The following CCSER1 variants were observed in gnomAD, a reference collection of about 807,000 sequenced individuals.
The protein encoded by CCSER1 is coiled-coil serine rich protein 1, also known as serine-rich coiled-coil domain-containing protein 1.
A neutral mutation model predicts 82.0 loss-of-function variants in CCSER1; 41 were observed. The observed-to-expected ratio is 0.50, with a 90% CI of 0.39 to 0.65. CCSER1 has a LOEUF of 0.65. Among genes scored for constraint, CCSER1 ranks in the 30% least tolerant of loss-of-function variants. The pLI, the probability that CCSER1 is intolerant of heterozygous loss-of-function variation, is 0.00. For missense variants in CCSER1, 1,119 were observed against 1,064.2 expected, an observed-to-expected ratio of 1.05 and a Z score of -0.72; for synonymous variants, 414 against 383.9, an observed-to-expected ratio of 1.08 and a Z score of -0.92.
intron 7 of CCSER1, among the ~76,000 whole-genome samples, chr4:90,807,225 A>G (rs1415856248): frequency 6.6e-6 from 1 of 152,108 alleles, no homozygotes; most frequent in Non-Finnish European, 1.5e-5. Flanking sequence ...CCTGCATCCT[A>G]CTATGCTAAT....
chr4:91,271,499 T>A (rs895621540), intron 10 of CCSER1, among the ~76,000 whole-genome samples: 1 of 152,144 alleles, frequency 6.6e-6, no homozygotes, highest in Non-Finnish European at 1.5e-5. Context: ...CTCCCACTTA[T>A]GAGTGAGAAC....
intron 3 of CCSER1, among the ~76,000 whole-genome samples, chr4:90,362,374 CA>C (rs1217321483): frequency 1.3e-5 from 2 of 152,142 alleles, no homozygotes; most frequent in Non-Finnish European, 2.9e-5. Context: ...GTTAAAATTA[CA>C]TCCAGAATTT....
At chr4:91,508,614 C>T (rs1759656704) in intron 10 of CCSER1, among the ~76,000 whole-genome samples, 1 of 150,644 alleles carries the variant, frequency 6.6e-6, no homozygotes, top group South Asian at 2.1e-4. Context: ...AAATATTGAC[C>T]ATATAGAATC....
intron 8 of CCSER1, among the ~76,000 whole-genome samples, chr4:90,897,448 G>C (rs914379907): frequency 2.6e-5 from 4 of 152,056 alleles, no homozygotes; most frequent in African/African-American, 9.7e-5. Flanking sequence ...CTCTATCCAT[G>C]TTGCTGTGAA....
intron 7 of CCSER1, among the ~76,000 whole-genome samples, chr4:90,736,005 G>A (rs1745579903): frequency 6.6e-6 from 1 of 151,978 alleles, no homozygotes; most frequent in African/African-American, 2.4e-5. Context: ...CCATGAATTT[G>A]TACAGTTTCC....
At chr4:90,426,832 G>A (rs1757589538) in intron 4 of CCSER1, among the ~76,000 whole-genome samples, 1 of 152,150 alleles carries the variant, frequency 6.6e-6, no homozygotes, top group African/African-American at 2.4e-5. Flanking sequence ...TTGGGAGCTG[G>A]CAATATGCTT....
intron 5 of CCSER1, among the ~76,000 whole-genome samples, chr4:90,583,916 G>A (rs1310283784): frequency 6.6e-6 from 1 of 151,292 alleles, no homozygotes; most frequent in African/African-American, 2.4e-5. Flanking sequence ...AATTTTAATT[G>A]GAATATATTA....
At chr4:90,354,050 G>A (rs548383576) in intron 3 of CCSER1, among the ~76,000 whole-genome samples, 2 of 152,238 alleles carry the variant, frequency 1.3e-5, no homozygotes, top group East Asian at 3.9e-4. Flanking sequence ...TTCTATATGT[G>A]CACCAATGGA....
chr4:90,732,187 G>C (rs183464975), intron 7 of CCSER1, among the ~76,000 whole-genome samples: 33 of 152,176 alleles, frequency 2.2e-4, no homozygotes, highest in Non-Finnish European at 7.4e-5. Context: ...GCTTCCCCTA[G>C]GGTGAATGTT....
At chr4:91,180,226 A>G (rs1422770901) in intron 10 of CCSER1, among the ~76,000 whole-genome samples, 3 of 152,176 alleles carry the variant, frequency 2.0e-5, no homozygotes, top group South Asian at 2.1e-4. Context: ...TGCTACTGGG[A>G]GTTGTCTCCC....
At chr4:91,004,236 C>T (rs1738305870) in intron 9 of CCSER1, among the ~76,000 whole-genome samples, 1 of 152,114 alleles carries the variant, frequency 6.6e-6, no homozygotes, top group African/African-American at 2.4e-5. Context: ...GTCTTGCCTC[C>T]AGTCCACCGT....
chr4:91,104,979 C>A (rs564868061), intron 10 of CCSER1, among the ~76,000 whole-genome samples: 9 of 152,192 alleles, frequency 5.9e-5, no homozygotes, highest in African/African-American at 2.2e-4. Context: ...GAAGTCAGGG[C>A]TTTTAGGGTA....
intron 4 of CCSER1, among the ~76,000 whole-genome samples, chr4:90,402,689 G>T (rs1236662919): frequency 1.3e-5 from 2 of 152,100 alleles, no homozygotes; most frequent in African/African-American, 4.8e-5. Flanking sequence ...ATTATGTTTG[G>T]TAGTCAACCA....
intron 1 of CCSER1, among the ~76,000 whole-genome samples, chr4:90,186,855 G>T (rs190773994): frequency 6.6e-6 from 1 of 151,686 alleles, no homozygotes; most frequent in African/African-American, 2.4e-5. Flanking sequence ...CCCCCCCATG[G>T]TGTAGTGTAA....
chr4:90,367,336 G>T (rs1330615575), intron 3 of CCSER1, among the ~76,000 whole-genome samples: 1 of 151,878 alleles, frequency 6.6e-6, no homozygotes, highest in Non-Finnish European at 1.5e-5. Flanking sequence ...TTATGATCTT[G>T]TACAATAACT....
Position 90,640,971 on chromosome 4 carries a change from T to C in CCSER1, c.1932+12739T>C, listed in dbSNP as rs114249548. Among the ~76,000 whole-genome samples, 447 of 152,242 alleles carry C rather than the reference T, an allele frequency of 2.9e-3. 2 individuals are homozygous for C. Among genetic ancestry groups the C allele is most frequent in the African/African-American group, 0.01 (425 of 41,548 alleles). On this transcript the variant is annotated intron_variant, in intron 6 of 10. Transcript: ENST00000509176. Reference sequence around the variant, plus strand: ...TAGAACAAACTGCTCAGATTTGAATTTCAGCTCTCACAATTACTAGGTGCA... The same window carrying C: ...TAGAACAAACTGCTCAGATTTGAATCTCAGCTCTCACAATTACTAGGTGCA...
chr4:90,452,518 G>A (rs1761592410), intron 4 of CCSER1, among the ~76,000 whole-genome samples: 1 of 152,160 alleles, frequency 6.6e-6, no homozygotes. Flanking sequence ...AGGCAGGCTG[G>A]CCATTCTTTA....
At chr4:90,899,982 C>T (rs1034908754) in intron 8 of CCSER1, among the ~76,000 whole-genome samples, 1 of 151,744 alleles carries the variant, frequency 6.6e-6, no homozygotes, top group African/African-American at 2.4e-5. Context: ...AGGAAGCATT[C>T]CCCCCTCCTT....
chr4:90,946,358 C>T (rs950985084), intron 9 of CCSER1, among the ~76,000 whole-genome samples: 6 of 152,068 alleles, frequency 3.9e-5, no homozygotes, highest in Non-Finnish European at 5.9e-5. Context: ...AGGCTGGGTG[C>T]GGTGGCCCAT....
Sources: gnomAD v4.1 joint callset for allele counts (sites outside exome capture counted in the v4.1 genomes callset) on GRCh38, gnomAD v4.1.1 for gene constraint, MANE v1.5 for transcripts, NCBI Gene and HGNC (gene_info 2026-07-23, HGNC 2026-07-21) for gene names.